SLCO2B1: variants seen among roughly 807,000 people sequenced by gnomAD.
SLCO2B1 encodes the protein solute carrier organic anion transporter family member 2B1.
In SLCO2B1, 41 loss-of-function variants were observed where a neutral mutation model predicts 67.3. That is an observed-to-expected ratio of 0.61 (90% CI 0.47 to 0.79). SLCO2B1 has a LOEUF of 0.79. Among genes scored for constraint, SLCO2B1 ranks in the 30% least tolerant of loss-of-function variants. The pLI is 0.00. For missense variants in SLCO2B1, 837 were observed against 920.1 expected, an observed-to-expected ratio of 0.91 and a Z score of 1.17; for synonymous variants, 379 against 381.4, an observed-to-expected ratio of 0.99 and a Z score of 0.07.
chr11:75,174,580 G>A (rs1390599912), intron 7 of SLCO2B1, among the ~76,000 whole-genome samples: 4 of 152,204 alleles, frequency 2.6e-5, no homozygotes, highest in African/African-American at 9.7e-5. Context: ...CAGAGGCAGG[G>A]GGAAGCAGCT....
At position 75,204,642 on chromosome 11, in the gene SLCO2B1, T is replaced by C. The variant is rs1042562311; in HGVS notation, c.*62T>C. On this transcript the variant is annotated 3_prime_UTR_variant, in exon 14 of 14. Coordinates refer to ENST00000289575, the MANE Select transcript of SLCO2B1 (RefSeq NM_007256.5). ...CACAGCAGTACCTCCTCTGAGTCCT[T>C]TGCCCAAGATTGGGTGTCAAGAGCC... 2.5e-5 allele frequency: 36 copies of C among 1,444,666 alleles called. No homozygotes were observed. The African/African-American group carries it at 4.3e-4, about 17-fold the overall frequency. The allele number at this position is 1,444,666 out of a possible 1,614,324, so 89.5% of individuals were successfully genotyped here.
intron 9 of SLCO2B1, among the ~76,000 whole-genome samples, chr11:75,195,588 C>T (rs1435036961): frequency 2.0e-5 from 3 of 152,124 alleles, no homozygotes; most frequent in African/African-American, 7.2e-5. Flanking sequence ...CACCCTCTTC[C>T]CCATGGAACT....
At chr11:75,180,565 T>C (rs1318907234) in intron 7 of SLCO2B1, among the ~76,000 whole-genome samples, 1 of 152,220 alleles carries the variant, frequency 6.6e-6, no homozygotes, top group Non-Finnish European at 1.5e-5. Context: ...TTATATGGTA[T>C]CTATACACAT....
At chr11:75,166,315 CAG>C (rs1409148238) in intron 4 of SLCO2B1, among the ~76,000 whole-genome samples, 1 of 152,156 alleles carries the variant, frequency 6.6e-6, no homozygotes, top group Admixed American at 6.5e-5. Context: ...TACTATGCAC[CAG>C]ACACTGCTCT....
chr11:75,169,765 G>A lies in SLCO2B1; in HGVS notation c.781+1G>A. ...GTGGACATTAACCAGATGCCAGAAG[G>A]TGAGCCTCAGGAGCACATGTTTGCT... On this transcript the variant is annotated splice_donor_variant, in intron 6 of 13. Transcript: ENST00000289575. LOFTEE classifies it high-confidence loss of function. The A allele has an allele frequency of 1.2e-6, 2 of 1,613,330 alleles. No homozygotes were observed. The highest frequency in any genetic ancestry group is 1.7e-6 in the Non-Finnish European group (2 of 1,179,282).
rs1302785728 is a variant in SLCO2B1 at position 75,205,223 on chromosome 11, A to ACTT, written c.*643_*644insCTT. ...ACCCAGACTTGGCAGGGCCTTCAAGAGGCCTGTGTGGGGGCCCCAGGAATC... is the reference window on the plus strand; with the variant it reads ...ACCCAGACTTGGCAGGGCCTTCAAGACTTGGCCTGTGTGGGGGCCCCAGGAATC... On this transcript the variant is annotated 3_prime_UTR_variant, in exon 14 of 14. Coordinates refer to ENST00000289575, the MANE Select transcript of SLCO2B1 (RefSeq NM_007256.5). 1 of 152,296 alleles carries ACTT rather than the reference A, an allele frequency of 6.6e-6. No homozygotes were observed. Among genetic ancestry groups the ACTT allele is most frequent in the East Asian group, 1.9e-4 (1 of 5,190 alleles). 9.4% of individuals were successfully genotyped at this position (152,296 alleles called of 1,614,324 possible).
At chr11:75,181,214 C>A (rs772545096) in intron 7 of SLCO2B1, among the ~76,000 whole-genome samples, 1 of 151,542 alleles carries the variant, frequency 6.6e-6, no homozygotes, top group Non-Finnish European at 1.5e-5. Flanking sequence ...ACTAAAAATA[C>A]GAAAAATTAG....
intron 10 of SLCO2B1, among the ~76,000 whole-genome samples, chr11:75,197,373 G>C (rs1289186598): frequency 6.6e-6 from 1 of 152,214 alleles, no homozygotes; most frequent in Non-Finnish European, 1.5e-5. Flanking sequence ...AGAATGAATG[G>C]GTAAACTATT....
chr11:75,196,723 G>A, intron 10 of SLCO2B1, 44 bp downstream of exon 10: 1 of 1,577,130 alleles, frequency 6.3e-7, no homozygotes, highest in Non-Finnish European at 8.6e-7. Flanking sequence ...TCAGGACTCT[G>A]CCTGCCCTGT....
intron 7 of SLCO2B1, among the ~76,000 whole-genome samples, chr11:75,175,050 A>G (rs1389868206): frequency 6.6e-6 from 1 of 152,186 alleles, no homozygotes; most frequent in African/African-American, 2.4e-5. Flanking sequence ...CTGTGTCTCT[A>G]TGATGCTTTG....
At chr11:75,167,113 G>A (rs897986593) in intron 4 of SLCO2B1, among the ~76,000 whole-genome samples, 1 of 152,198 alleles carries the variant, frequency 6.6e-6, no homozygotes, top group South Asian at 2.1e-4. Context: ...TTGGCAGCTG[G>A]AGGGAGCTGG....
intron 8 of SLCO2B1, 135 bp downstream of exon 8, chr11:75,188,373 G>T (rs1944968754): frequency 3.1e-6 from 2 of 636,156 alleles, no homozygotes; most frequent in Non-Finnish European, 2.8e-6. Flanking sequence ...TCTACTCCTT[G>T]TGAGTCTTTG....
In SLCO2B1 at chr11:75,188,143, A is replaced by G. The variant is rs762662713; in HGVS notation, c.980A>G (p.Asp327Gly). ...GTTTTGTGTCTCCTTCAGGGCAAGG[A>G]CTCTCCCTCTAAGCAGAGCCCTGGG... is the stretch of plus-strand genomic sequence containing the variant. The part of the protein sequence containing the change: ...VTDSPARKGK[D>G]SPSKQSPGES... Residue 327 changes from aspartate to glycine, a missense_variant, in exon 8 of 14, where the codon GAC becomes GGC. Asp to Gly is a moderately conservative substitution (Grantham distance 94). Coordinates refer to ENST00000289575, the MANE Select transcript of SLCO2B1 (RefSeq NM_007256.5). The G allele has an allele frequency of 6.2e-7, 1 of 1,612,368 alleles. No individual in the cohort carries two copies. The highest frequency in any genetic ancestry group is 8.5e-7 in the Non-Finnish European group (1 of 1,178,962).
chr11:75,182,437 A>T (rs1036145665), intron 7 of SLCO2B1, among the ~76,000 whole-genome samples: 1 of 152,232 alleles, frequency 6.6e-6, no homozygotes, highest in Non-Finnish European at 1.5e-5. Flanking sequence ...ATTAAATGAC[A>T]TGATGGATAT....
intron 8 of SLCO2B1, among the ~76,000 whole-genome samples, chr11:75,189,663 G>T (rs1203380476): frequency 6.6e-6 from 1 of 152,038 alleles, no homozygotes; most frequent in Non-Finnish European, 1.5e-5. Flanking sequence ...ATTTGATGTT[G>T]GGGCAGGACA....
intron 1 of SLCO2B1, among the ~76,000 whole-genome samples, chr11:75,157,896 C>T (rs1949766155): frequency 6.6e-6 from 1 of 152,150 alleles, no homozygotes; most frequent in African/African-American, 2.4e-5. Context: ...GGTAATTCTC[C>T]CACCTCGGCC....
intron 9 of SLCO2B1, 48 bp from the exon 10 acceptor site, chr11:75,196,466 C>G: frequency 6.3e-7 from 1 of 1,588,522 alleles, no homozygotes; most frequent in South Asian, 1.1e-5. Flanking sequence ...AGCTAGTGGC[C>G]TAAGGGAGGG....
chr11:75,175,154 A>G (rs543328657), intron 7 of SLCO2B1, among the ~76,000 whole-genome samples: 1 of 152,198 alleles, frequency 6.6e-6, no homozygotes, highest in Non-Finnish European at 1.5e-5. Flanking sequence ...AGGGGGTGAG[A>G]GGTTCTTTAA....
chr11:75,196,374 G>A lies in SLCO2B1; in HGVS notation c.1434-140G>A, dbSNP rs146801422. 3.6e-5 allele frequency: 29 copies of A among 803,748 alleles called. No homozygotes were observed. In the Admixed American group the frequency reaches 5.9e-4, roughly 16 times the overall value. The allele number at this position is 803,748 out of a possible 1,614,324, so 49.8% of individuals were successfully genotyped here. A position where few individuals can be genotyped will look rare whatever the true frequency, so the allele number is the denominator to read the frequency against. On this transcript the variant is annotated intron_variant, in intron 9 of 13. Transcript: ENST00000289575. ...AGGAGCTCACTATCACGCCATCATC[G>A]GGCAGCCCTGATGATGAAAATCCTC... is the stretch of plus-strand genomic sequence containing the variant.
Sources: allele counts gnomAD v4.1 joint callset (sites outside exome capture counted in the v4.1 genomes callset), GRCh38; gene constraint gnomAD v4.1.1; transcripts MANE v1.5; gene names NCBI Gene and HGNC (gene_info 2026-07-23, HGNC 2026-07-21).